MYT1L: variants seen among roughly 807,000 people sequenced by gnomAD.
MYT1L encodes the protein myelin transcription factor 1-like protein.
MYT1L carries 12 observed loss-of-function variants against 126.7 expected under a neutral mutation model. The observed-to-expected ratio is 0.09, with a 90% CI of 0.06 to 0.15. MYT1L has a LOEUF of 0.15. Ranked by LOEUF, MYT1L falls within the 10% of genes least tolerant of loss-of-function variation. The probability of loss-of-function intolerance (pLI) is 1.00; values close to 1 mark genes in which losing one functional copy is unlikely to be tolerated. For synonymous variants in MYT1L, 541 were observed against 604.2 expected (o/e 0.90, Z 1.53); for missense variants, 979 against 1,585.2 (o/e 0.62, Z 6.49).
At chr2:2,294,376 A>T (rs759246708) in intron 1 of MYT1L, among the ~76,000 whole-genome samples, 3 of 152,116 alleles carry the variant, frequency 2.0e-5, no homozygotes, top group Non-Finnish European at 4.4e-5. Context: ...TTTAGAAAGA[A>T]TGGGGGAAGA....
Position 1,979,318 on chromosome 2 carries a change from A to T in MYT1L, c.90-91T>A. ...GCAGCAGAGAGAAGGAGGGCGGCTC[A>T]GACAGAGGAGAGAAATCACACAATC... On this transcript the variant is annotated intron_variant, in intron 7 of 24. Transcript: ENST00000647738. The surrounding 1 kb of genome is among the most constrained non-coding windows in gnomAD (Gnocchi z 4.0). 1 of 1,238,390 alleles carries T rather than the reference A, an allele frequency of 8.1e-7. No individual in the cohort carries two copies. The highest frequency in any genetic ancestry group is 1.3e-5 in the South Asian group (1 of 79,252). The allele number at this position is 1,238,390 out of a possible 1,614,324, so 76.7% of individuals were successfully genotyped here.
intron 2 of MYT1L, among the ~76,000 whole-genome samples, chr2:2,257,375 TA>T (rs1243117802): frequency 1.3e-5 from 2 of 152,164 alleles, no homozygotes; most frequent in African/African-American, 4.8e-5. Context: ...GTTGGAGCCA[TA>T]AGGACCTTGA....
intron 4 of MYT1L, among the ~76,000 whole-genome samples, chr2:2,043,003 T>C (rs2067727578): frequency 6.6e-6 from 1 of 152,146 alleles, no homozygotes. Context: ...TCTGGACCAG[T>C]CTTCCTCTGT....
rs369109558 is a variant in MYT1L at position 1,830,549 on chromosome 2, C to T, written c.3080+8600G>A. ...AGGGTGTTCTCGGCACCCGGAAGGG[C>T]TCACAGGGAGATGGGGGAAAGGGTA... is the stretch of plus-strand genomic sequence containing the variant. On this transcript the variant is annotated intron_variant, in intron 21 of 24. Transcript: ENST00000647738. Among the ~76,000 whole-genome samples, 4 of 152,164 alleles carry T rather than the reference C, an allele frequency of 2.6e-5. No individual in the cohort carries two copies. In the East Asian group the frequency reaches 7.7e-4, roughly 29 times the overall value.
At chr2:2,131,012 C>T (rs1283454206) in intron 3 of MYT1L, among the ~76,000 whole-genome samples, 1 of 152,104 alleles carries the variant, frequency 6.6e-6, no homozygotes, top group African/African-American at 2.4e-5. Context: ...AAATGCATGA[C>T]CCCTAAATAG....
chr2:2,101,153 A>G (rs2078019596), intron 3 of MYT1L, among the ~76,000 whole-genome samples: 1 of 152,168 alleles, frequency 6.6e-6, no homozygotes, highest in African/African-American at 2.4e-5. Context: ...TGTTATATAC[A>G]TATTTCCTGA....
intron 2 of MYT1L, among the ~76,000 whole-genome samples, chr2:2,270,139 T>TG (rs1296183413): frequency 6.6e-6 from 1 of 152,172 alleles, no homozygotes; most frequent in East Asian, 1.9e-4. Context: ...CTTCACCTTG[T>TG]GGGGATGTGG....
intron 18 of MYT1L, among the ~76,000 whole-genome samples, chr2:1,875,422 C>T (rs763862123): frequency 6.6e-6 from 1 of 152,234 alleles, no homozygotes; most frequent in Non-Finnish European, 1.5e-5. Flanking sequence ...GACATGCATA[C>T]ATTTTAAATG....
At chr2:1,898,139 A>C (rs1203455662) in intron 14 of MYT1L, among the ~76,000 whole-genome samples, 1 of 152,202 alleles carries the variant, frequency 6.6e-6, no homozygotes, top group Non-Finnish European at 1.5e-5. Flanking sequence ...AGAAATGCCT[A>C]TTGCCTTATG....
chr2:1,961,327 AT>A (rs141188936), intron 8 of MYT1L, among the ~76,000 whole-genome samples: 2,557 of 152,258 alleles, frequency 0.017, 69 homozygotes, highest in African/African-American at 0.058. Flanking sequence ...AAAAATAAAA[AT>A]TTAAAAAAGG....
intron 2 of MYT1L, among the ~76,000 whole-genome samples, chr2:2,273,525 C>T (rs947983033): frequency 6.6e-6 from 1 of 152,190 alleles, no homozygotes; most frequent in Non-Finnish European, 1.5e-5. Context: ...CAGTCTTTGG[C>T]CTGGTCGCCC....
At chr2:2,210,714 C>A (rs1482267971) in intron 2 of MYT1L, among the ~76,000 whole-genome samples, 2 of 152,014 alleles carry the variant, frequency 1.3e-5, no homozygotes, top group Non-Finnish European at 2.9e-5. Context: ...TATTCTAGGT[C>A]TTTTGTGGTT....
chr2:1,943,378 A>G lies in MYT1L; in HGVS notation c.153-44T>C, dbSNP rs1360076588. On this transcript the variant is annotated intron_variant, in intron 8 of 24. Coordinates refer to ENST00000647738, the MANE Select transcript of MYT1L (RefSeq NM_001303052.2). This position sits in a 1 kb window ranked among gnomAD's most constrained non-coding sequence, Gnocchi z 4.4. ...AAGGCAGGGGAGAGAGAGAAAAAAA[A>G]TATCTGTGTTACTGTCTTTTAAAAT... 6 of 1,485,750 alleles carry G rather than the reference A, an allele frequency of 4.0e-6. No homozygotes were observed. The highest frequency in any genetic ancestry group is 4.5e-6 in the Non-Finnish European group (5 of 1,120,180). 92.0% of individuals were successfully genotyped at this position (1,485,750 alleles called of 1,614,324 possible). A position where few individuals can be genotyped will look rare whatever the true frequency, so the allele number is the denominator to read the frequency against.
intron 24 of MYT1L, 105 bp downstream of exon 24, chr2:1,792,216 G>T: frequency 7.1e-7 from 1 of 1,410,794 alleles, no homozygotes; most frequent in Non-Finnish European, 9.4e-7. Flanking sequence ...ACAAACATTT[G>T]CCAAAGGCTG....
intron 3 of MYT1L, among the ~76,000 whole-genome samples, chr2:2,107,145 C>A (rs965575315): frequency 2.6e-5 from 4 of 152,038 alleles, no homozygotes; most frequent in Admixed American, 1.3e-4. Flanking sequence ...TCAGTGGTGG[C>A]AAAAAAGGAA....
chr2:1,993,112 G>A (rs917006435), intron 5 of MYT1L, among the ~76,000 whole-genome samples: 2 of 152,114 alleles, frequency 1.3e-5, no homozygotes, highest in African/African-American at 2.4e-5. Context: ...GAATGCTCGG[G>A]GGAGACTGAC....
At chr2:2,321,783 A>G (rs2096171687) in intron 1 of MYT1L, among the ~76,000 whole-genome samples, 1 of 152,194 alleles carries the variant, frequency 6.6e-6, no homozygotes, top group Non-Finnish European at 1.5e-5. Flanking sequence ...CCACACTTGA[A>G]AATTTCTCAA....
intron 3 of MYT1L, among the ~76,000 whole-genome samples, chr2:2,086,133 G>C (rs961467278): frequency 2.0e-5 from 3 of 152,148 alleles, no homozygotes; most frequent in African/African-American, 7.2e-5. Flanking sequence ...TGATAAAGAA[G>C]ACTGAAATTA....
chr2:1,826,414 C>A (rs185242593), intron 21 of MYT1L, among the ~76,000 whole-genome samples: 111 of 152,238 alleles, frequency 7.3e-4, no homozygotes, highest in Middle Eastern at 6.8e-3. Context: ...AATCTTCCTG[C>A]AAAAACAAAG....
Sources: gnomAD v4.1 joint callset for allele counts (sites outside exome capture counted in the v4.1 genomes callset) on GRCh38, gnomAD v4.1.1 for gene constraint, Gnocchi (gnomAD v3.1) non-coding constraint, MANE v1.5 for transcripts, NCBI Gene and HGNC (gene_info 2026-07-23, HGNC 2026-07-21) for gene names.